RALYL: variants seen among roughly 807,000 people sequenced by gnomAD.
The protein encoded by RALYL is RNA-binding Raly-like protein.
Under a neutral mutation model 35.1 loss-of-function variants are expected in RALYL, and 29 were observed. The observed-to-expected ratio is 0.83, with a 90% CI of 0.61 to 1.13. RALYL has a LOEUF of 1.13. Ranked by LOEUF, RALYL falls within the 50% of genes most tolerant of loss-of-function variation. The pLI is 0.00. For missense variants in RALYL, 359 were observed against 360.4 expected (o/e 1.00, Z 0.03); for synonymous variants, 120 against 127.6 (o/e 0.94, Z 0.40).
chr8:84,335,709 C>CTTTT lies in RALYL; in HGVS notation c.-24+151301_-24+151304dup, dbSNP rs548185561. On this transcript the variant is annotated intron_variant, in intron 1 of 8. Transcript: ENST00000521268. ...ATTTCTAATATATGTGTTTTCTTAC[C>CTTTT]TTTTTTTTTTTTTTTTTTTCCAAGA... 4.0e-3 allele frequency among the ~76,000 whole-genome samples: 344 copies of CTTTT among 85,206 alleles called. 11 individuals carry two copies. The highest frequency in any genetic ancestry group is 8.1e-3 in the Middle Eastern group (1 of 124). 55.9% of individuals were successfully genotyped at this position (85,206 alleles called of 152,430 possible). A position where few individuals can be genotyped will look rare whatever the true frequency, so the allele number is the denominator to read the frequency against.
intron 1 of RALYL, among the ~76,000 whole-genome samples, chr8:84,365,229 A>C (rs1853974755): frequency 6.6e-6 from 1 of 152,134 alleles, no homozygotes; most frequent in Non-Finnish European, 1.5e-5. Context: ...TGTATGATAC[A>C]TTTTATATTT....
At chr8:84,621,878 T>C (rs1821593148) in intron 2 of RALYL, among the ~76,000 whole-genome samples, 1 of 152,340 alleles carries the variant, frequency 6.6e-6, no homozygotes, top group East Asian at 1.9e-4. Flanking sequence ...GCAGTGCTAA[T>C]TTAGCCATTA....
chr8:84,430,582 G>A (rs563044747), intron 1 of RALYL, among the ~76,000 whole-genome samples: 1 of 151,932 alleles, frequency 6.6e-6, no homozygotes, highest in Non-Finnish European at 1.5e-5. Context: ...AGTGTCAGTG[G>A]TTTACTCTAG....
At chr8:84,691,346 C>G (rs1247972123) in intron 2 of RALYL, among the ~76,000 whole-genome samples, 1 of 152,026 alleles carries the variant, frequency 6.6e-6, no homozygotes, top group Non-Finnish European at 1.5e-5. Context: ...GAGATAGAAT[C>G]TAGGGCACTC....
chr8:84,367,983 T>A (rs1038491936), intron 1 of RALYL, among the ~76,000 whole-genome samples: 3 of 152,170 alleles, frequency 2.0e-5, no homozygotes, highest in African/African-American at 7.2e-5. Flanking sequence ...CATGTGGTAA[T>A]GAGGGAATGT....
chr8:84,475,122 C>T (rs1196431527), intron 1 of RALYL, among the ~76,000 whole-genome samples: 2 of 151,828 alleles, frequency 1.3e-5, no homozygotes, highest in African/African-American at 4.8e-5. Flanking sequence ...CAAGTGTTCG[C>T]ATTGTTCAAT....
intron 4 of RALYL, among the ~76,000 whole-genome samples, chr8:84,830,441 TG>T (rs1830662830): frequency 1.3e-5 from 2 of 152,006 alleles, no homozygotes; most frequent in Non-Finnish European, 2.9e-5. Context: ...AGGTGGCTGG[TG>T]AAGAGAAGTA....
rs1822800296 is a variant in RALYL at position 84,223,153 on chromosome 8, C to CT, written c.-24+38732dup. Among the ~76,000 whole-genome samples, 5 of 124,840 alleles carry CT rather than the reference C, an allele frequency of 4.0e-5. No homozygotes were observed. The South Asian group carries it at 1.3e-3, about 32-fold the overall frequency. 81.9% of individuals were successfully genotyped at this position (124,840 alleles called of 152,430 possible). On this transcript the variant is annotated intron_variant, in intron 1 of 8. Coordinates refer to ENST00000521268, the MANE Select transcript of RALYL (RefSeq NM_173848.7). ...CTTTCCTTTCCTTTCCTTTCCTTTC[C>CT]TTTCTTTCCTTCCTCCCTTCCCTTC...
intron 2 of RALYL, among the ~76,000 whole-genome samples, chr8:84,542,170 C>T (rs181658149): frequency 1.5e-4 from 23 of 152,084 alleles, no homozygotes; most frequent in African/African-American, 5.5e-4. Context: ...CTGTTAGCTC[C>T]TAAGTTCTGT....
intron 1 of RALYL, among the ~76,000 whole-genome samples, chr8:84,415,420 A>T (rs1563882056): frequency 6.6e-6 from 1 of 151,878 alleles, no homozygotes; most frequent in Non-Finnish European, 1.5e-5. Flanking sequence ...TTGTATCTTT[A>T]GTAGAGATGG....
At chr8:84,832,578 G>T (rs781142678) in intron 4 of RALYL, among the ~76,000 whole-genome samples, 2 of 152,100 alleles carry the variant, frequency 1.3e-5, no homozygotes, top group African/African-American at 4.8e-5. Flanking sequence ...GAGAGTCAAA[G>T]AAACTGAACT....
rs548111847 is a variant in RALYL at position 84,511,609 on chromosome 8, A to G, written c.-23-17690A>G. Among the ~76,000 whole-genome samples the G allele has an allele frequency of 1.3e-4, 20 of 152,278 alleles. No homozygotes were observed. The South Asian group carries it at 4.2e-3, about 32-fold the overall frequency. On this transcript the variant is annotated intron_variant, in intron 1 of 8. Coordinates refer to ENST00000521268, the MANE Select transcript of RALYL (RefSeq NM_173848.7). The stretch of plus-strand genomic sequence containing the variant: ...AATTTACAATATGTTATTGTTTATA[A>G]TAGTCATTCTACTGTGCTATCAATA...
intron 1 of RALYL, among the ~76,000 whole-genome samples, chr8:84,457,640 A>G (rs144828061): frequency 6.6e-6 from 1 of 151,950 alleles, no homozygotes; most frequent in East Asian, 1.9e-4. Context: ...GCATTCTCTA[A>G]TATCTTACGC....
chr8:84,554,800 T>G (rs1243809803), intron 2 of RALYL, among the ~76,000 whole-genome samples: 1 of 152,190 alleles, frequency 6.6e-6, no homozygotes, highest in Non-Finnish European at 1.5e-5. Context: ...GTAAATAAAA[T>G]AAAATGTCTA....
chr8:84,655,054 A>ACCAACAG, intron 2 of RALYL, among the ~76,000 whole-genome samples: 1 of 152,032 alleles, frequency 6.6e-6, no homozygotes, highest in Non-Finnish European at 1.5e-5. Context: ...TTATATTCTC[A>ACCAACAG]CCAACAGTGC....
chr8:84,704,913 A>G (rs961237972), intron 2 of RALYL, among the ~76,000 whole-genome samples: 1 of 152,248 alleles, frequency 6.6e-6, no homozygotes, highest in African/African-American at 2.4e-5. Flanking sequence ...CACTTAAAAA[A>G]GAATAACTTT....
intron 1 of RALYL, among the ~76,000 whole-genome samples, chr8:84,256,922 C>T (rs1410244373): frequency 6.6e-6 from 1 of 151,848 alleles, no homozygotes; most frequent in Non-Finnish European, 1.5e-5. Flanking sequence ...CTAATATTAT[C>T]TATTTTATTA....
intron 1 of RALYL, among the ~76,000 whole-genome samples, chr8:84,219,990 C>G (rs1238622718): frequency 6.6e-6 from 1 of 151,958 alleles, no homozygotes; most frequent in Non-Finnish European, 1.5e-5. Flanking sequence ...ACAACACTAA[C>G]AGTTTGATTT....
At chr8:84,397,990 T>A (rs902251288) in intron 1 of RALYL, among the ~76,000 whole-genome samples, 4 of 152,194 alleles carry the variant, frequency 2.6e-5, no homozygotes, top group African/African-American at 9.6e-5. Context: ...CAAGACAAAT[T>A]TCACTTGAGG....
Sources: allele counts gnomAD v4.1 joint callset (sites outside exome capture counted in the v4.1 genomes callset), GRCh38; gene constraint gnomAD v4.1.1; transcripts MANE v1.5; gene names NCBI Gene and HGNC (gene_info 2026-07-23, HGNC 2026-07-21).